COX7B2: variants seen among roughly 807,000 people sequenced by gnomAD.
COX7B2 encodes the protein cytochrome c oxidase subunit 7B2, mitochondrial.
For synonymous variants in COX7B2, 37 were observed against 32.1 expected (o/e 1.15, Z -0.51); for missense variants, 109 against 95.9 (o/e 1.14, Z -0.57).
intron 2 of COX7B2, among the ~76,000 whole-genome samples, chr4:46,800,606 A>G (rs1354305876): frequency 6.6e-6 from 1 of 152,246 alleles, no homozygotes; most frequent in Non-Finnish European, 1.5e-5. Flanking sequence ...AATCAATTCA[A>G]GATGAATTAA....
chr4:46,852,506 AT>A (rs1716749728), intron 1 of COX7B2, among the ~76,000 whole-genome samples: 1 of 151,786 alleles, frequency 6.6e-6, no homozygotes, highest in Non-Finnish European at 1.5e-5. Context: ...AAGGGGTGCC[AT>A]TGCTTTTGAC....
rs377733933 is a variant in COX7B2 at position 46,754,730 on chromosome 4, A to G, written c.-49-19489T>C. On this transcript the variant is annotated intron_variant, in intron 2 of 2. Coordinates refer to ENST00000355591, the MANE Select transcript of COX7B2 (RefSeq NM_130902.3). ...TGTGTGTGTGTGTGTGTGTGTGTGT[A>G]TATATATATATATATATATGAAAGA... Among the ~76,000 whole-genome samples, 363 of 107,080 alleles carry G rather than the reference A, an allele frequency of 3.4e-3. 4 individuals carry two copies. Among genetic ancestry groups the G allele is most frequent in the Non-Finnish European group, 5.6e-3 (286 of 50,638 alleles). The allele number at this position is 107,080 out of a possible 152,430, so 70.2% of individuals were successfully genotyped here. A position where few individuals can be genotyped will look rare whatever the true frequency, so the allele number is the denominator to read the frequency against.
chr4:46,873,818 C>T (rs1332599515), intron 1 of COX7B2, among the ~76,000 whole-genome samples: 1 of 152,140 alleles, frequency 6.6e-6, no homozygotes, highest in Admixed American at 6.5e-5. Flanking sequence ...TATCCCTCCC[C>T]CTTCCCCTCA....
intron 2 of COX7B2, among the ~76,000 whole-genome samples, chr4:46,747,855 C>T (rs1369393612): frequency 6.6e-6 from 1 of 152,090 alleles, no homozygotes; most frequent in African/African-American, 2.4e-5. Context: ...ATGTTGTAAT[C>T]ACCATAAAAT....
intron 1 of COX7B2, among the ~76,000 whole-genome samples, chr4:46,859,662 G>T (rs1295171809): frequency 6.6e-6 from 1 of 152,140 alleles, no homozygotes; most frequent in Non-Finnish European, 1.5e-5. Context: ...GGTTCGAATA[G>T]GATGAAATAA....
chr4:46,847,543 G>A (rs1716371985), intron 1 of COX7B2, among the ~76,000 whole-genome samples: 1 of 152,038 alleles, frequency 6.6e-6, no homozygotes, highest in Non-Finnish European at 1.5e-5. Context: ...TAAGCTGTGA[G>A]CAGACTTCTG....
At chr4:46,797,385 T>A (rs1332639709) in intron 2 of COX7B2, among the ~76,000 whole-genome samples, 2 of 152,168 alleles carry the variant, frequency 1.3e-5, no homozygotes, top group Non-Finnish European at 2.9e-5. Context: ...AATGAAATTT[T>A]AGCTTAGGTC....
intron 2 of COX7B2, among the ~76,000 whole-genome samples, chr4:46,735,535 GACTCTACAGAC>G (rs1386638712): frequency 6.6e-6 from 1 of 152,124 alleles, no homozygotes; most frequent in African/African-American, 2.4e-5. Context: ...CCAATGCATT[GACTCTACAGAC>G]TACAAACTTA....
intron 2 of COX7B2, among the ~76,000 whole-genome samples, chr4:46,746,062 T>A (rs1282771000): frequency 1.3e-5 from 2 of 152,210 alleles, no homozygotes; most frequent in Non-Finnish European, 2.9e-5. Flanking sequence ...GAGCCACTGT[T>A]GATAATGGAA....
At chr4:46,833,668 G>A (rs914218709) in intron 2 of COX7B2, among the ~76,000 whole-genome samples, 3 of 152,278 alleles carry the variant, frequency 2.0e-5, no homozygotes, top group African/African-American at 7.2e-5. Context: ...TGATGACTAT[G>A]AGACCATTAT....
intron 2 of COX7B2, among the ~76,000 whole-genome samples, chr4:46,815,688 A>T (rs941575446): frequency 1.3e-5 from 2 of 152,216 alleles, no homozygotes; most frequent in Non-Finnish European, 2.9e-5. Flanking sequence ...TTTCTCGTCC[A>T]AGATGAGGGG....
chr4:46,776,393 AGTGT>A (rs34113475), intron 2 of COX7B2, among the ~76,000 whole-genome samples: 2,346 of 146,484 alleles, frequency 0.016, 25 homozygotes, highest in Non-Finnish European at 0.023. Flanking sequence ...GTAGTTTCAG[AGTGT>A]GTGTGTGTGT....
intron 1 of COX7B2, among the ~76,000 whole-genome samples, chr4:46,866,075 G>A (rs947405491): frequency 2.6e-5 from 4 of 152,148 alleles, no homozygotes; most frequent in African/African-American, 7.2e-5. Flanking sequence ...ACAATGCTCT[G>A]TTCCAACCCT....
chr4:46,826,377 T>G (rs569792023), intron 2 of COX7B2, among the ~76,000 whole-genome samples: 1 of 152,256 alleles, frequency 6.6e-6, no homozygotes, highest in South Asian at 2.1e-4. Flanking sequence ...TAACACATTT[T>G]GGCAAGGTTG....
At chr4:46,766,124 C>T (rs1050365210) in intron 2 of COX7B2, among the ~76,000 whole-genome samples, 12 of 152,048 alleles carry the variant, frequency 7.9e-5, no homozygotes, top group Admixed American at 7.2e-4. Flanking sequence ...ACCTGCTTTA[C>T]TAGAAATGCT....
chr4:46,901,384 T>TG (rs1260220774), intron 1 of COX7B2, among the ~76,000 whole-genome samples: 11 of 152,128 alleles, frequency 7.2e-5, no homozygotes, highest in Admixed American at 7.2e-4. Flanking sequence ...CTGATCGAGT[T>TG]GGGGGTAGAA....
intron 2 of COX7B2, among the ~76,000 whole-genome samples, chr4:46,823,808 G>A (rs1334297979): frequency 1.3e-5 from 2 of 150,152 alleles, no homozygotes; most frequent in African/African-American, 2.5e-5. Flanking sequence ...AATCAAAGAA[G>A]CAAACAAAGT....
chr4:46,805,746 A>T (rs1463571741), intron 2 of COX7B2, among the ~76,000 whole-genome samples: 1 of 152,070 alleles, frequency 6.6e-6, no homozygotes, highest in African/African-American at 2.4e-5. Context: ...TTCGTAGATC[A>T]ATGTAATTTT....
At chr4:46,770,117 A>T (rs780022765) in intron 2 of COX7B2, among the ~76,000 whole-genome samples, 2 of 152,224 alleles carry the variant, frequency 1.3e-5, no homozygotes, top group Non-Finnish European at 2.9e-5. Flanking sequence ...TTCTACCAAA[A>T]TACTGCTAGA....
Sources: allele counts gnomAD v4.1 joint callset (sites outside exome capture counted in the v4.1 genomes callset), GRCh38; gene constraint gnomAD v4.1.1; transcripts MANE v1.5; gene names NCBI Gene and HGNC (gene_info 2026-07-23, HGNC 2026-07-21).